The following PAICS variants were observed in gnomAD, a reference collection of about 807,000 sequenced individuals.
PAICS encodes bifunctional phosphoribosylaminoimidazole carboxylase/phosphoribosylaminoimidazole succinocarboxamide synthetase.
A neutral mutation model predicts 53.7 loss-of-function variants in PAICS; 33 were observed. The observed-to-expected ratio is 0.61, with a 90% CI of 0.47 to 0.82. PAICS has a LOEUF of 0.82. Among genes scored for constraint, PAICS ranks in the 40% least tolerant of loss-of-function variants. The probability of loss-of-function intolerance (pLI) is 0.00; values close to 1 mark genes in which losing one functional copy is unlikely to be tolerated. For missense variants in PAICS, 394 were observed against 494.1 expected (o/e 0.80, Z 1.92); for synonymous variants, 141 against 167.2 (o/e 0.84, Z 1.21).
chr4:56,444,149 A>G (rs2110085127), intron 2 of PAICS, among the ~76,000 whole-genome samples: 1 of 152,262 alleles, frequency 6.6e-6, no homozygotes, highest in Non-Finnish European at 1.5e-5. Flanking sequence ...ATTAAGGTAG[A>G]AAGTAGAGAG....
the PAICS span, chr4:56,420,859 T>C: frequency 2.0e-5 from 3 of 152,184 alleles, no homozygotes; most frequent in South Asian, 2.1e-4. Flanking sequence ...TAAGACATGA[T>C]AGCATGAAAT....
At chr4:56,427,033 A>G in the PAICS span, among the ~76,000 whole-genome samples, 51,702 of 152,086 alleles carry the variant, frequency 0.34, 9,391 homozygotes, top group Non-Finnish European at 0.41. Context: ...TTCACTTATA[A>G]TATCTTTAGG....
In PAICS at chr4:56,452,000, A is replaced by C; in HGVS notation, c.900A>C (p.Thr300=). ...NFGIPCELRV[T]SAHKGPDETL... ...GCATTCCATGTGAACTTCGAGTAAC[A>C]TCTGCGCATAAAGGACCAGATGAAA... is the stretch of plus-strand genomic sequence containing the variant. Residue 300 remains threonine (T), a synonymous_variant, in exon 7 of 9, where the codon ACA becomes ACC. Coordinates refer to ENST00000512576, the MANE Select transcript of PAICS (RefSeq NM_001079524.2). 6.2e-7 allele frequency: 1 copy of C among 1,609,692 alleles called. No homozygotes were observed.
intron 1 of PAICS, among the ~76,000 whole-genome samples, chr4:56,438,369 G>A (rs1718130593): frequency 4.5e-5 from 2 of 44,624 alleles, no homozygotes; most frequent in Admixed American, 5.6e-4. Flanking sequence ...GGTGCAATGT[G>A]TTTATATATA....
chr4:56,452,070 T>A lies in PAICS; in HGVS notation c.952+18T>A. On this transcript the variant is annotated intron_variant, in intron 7 of 8. Coordinates refer to ENST00000512576, the MANE Select transcript of PAICS (RefSeq NM_001079524.2). ...GTATGAAGGTAAACCACAAGTAATA[T>A]GGACATTTCAGGTATTTCTGATTTT... 2 of 1,506,190 alleles carry A rather than the reference T, an allele frequency of 1.3e-6. No individual in the cohort carries two copies. The highest frequency in any genetic ancestry group is 1.2e-5 in the South Asian group (1 of 83,626). The allele number at this position is 1,506,190 out of a possible 1,614,324, so 93.3% of individuals were successfully genotyped here.
chr4:56,439,461 T>G (rs933880163), intron 1 of PAICS, among the ~76,000 whole-genome samples: 1 of 152,156 alleles, frequency 6.6e-6, no homozygotes, highest in Non-Finnish European at 1.5e-5. Flanking sequence ...GGTCTTGAAC[T>G]CCTAACCTCA....
intron 1 of PAICS, among the ~76,000 whole-genome samples, chr4:56,436,782 G>T (rs1164694019): frequency 6.6e-6 from 1 of 152,136 alleles, no homozygotes; most frequent in Non-Finnish European, 1.5e-5. Context: ...ATCACCTGAG[G>T]TCAGTAGTAC....
chr4:56,433,076 G>C (rs1355094723), upstream of PAICS, among the ~76,000 whole-genome samples: 2 of 151,362 alleles, frequency 1.3e-5, no homozygotes, highest in Non-Finnish European at 1.5e-5. Context: ...GTTTCGAGCA[G>C]CAGATAATTG....
At chr4:56,410,871 C>A in the PAICS span, 2 of 964,132 alleles carry the variant, frequency 2.1e-6, no homozygotes, top group Admixed American at 7.7e-5. Flanking sequence ...ACGCTCAGCC[C>A]AAGTACAGCC....
In PAICS at chr4:56,463,285, C is replaced by T. The variant is rs1719575743; in HGVS notation, c.*3747C>T. ...AGTTATAAAATGGAGCTAAATATTT[C>T]TTCTGCTTGCCTCTGAGTTGATAAG... On this transcript the variant is annotated 3_prime_UTR_variant, in exon 9 of 9. Coordinates refer to ENST00000512576, the MANE Select transcript of PAICS (RefSeq NM_001079524.2). The T allele has an allele frequency of 6.6e-6, 1 of 151,852 alleles. No individual in the cohort carries two copies. The highest frequency in any genetic ancestry group is 1.5e-5 in the Non-Finnish European group (1 of 68,068). 9.4% of individuals were successfully genotyped at this position (151,852 alleles called of 1,614,324 possible).
chr4:56,418,976 C>CT, the PAICS span, among the ~76,000 whole-genome samples: 1 of 152,166 alleles, frequency 6.6e-6, no homozygotes, highest in African/African-American at 2.4e-5. Context: ...TGGCTTTAGT[C>CT]TTTCTGTAAT....
rs565818527 is a variant in PAICS at position 56,458,296 on chromosome 4, T to C, written c.1112-1076T>C. Among the ~76,000 whole-genome samples the C allele has an allele frequency of 4.8e-3, 711 of 148,074 alleles. 6 individuals are homozygous for C. Among genetic ancestry groups the C allele is most frequent in the African/African-American group, 0.016 (657 of 40,046 alleles). On this transcript the variant is annotated intron_variant, in intron 8 of 8. Transcript: ENST00000512576. Reference sequence around the variant, plus strand: ...TCACTAGATAACTTTTTTTTTTTTTTCTGCAATTTAAGCTATTCTTTTACC... The same window carrying C: ...TCACTAGATAACTTTTTTTTTTTTTCCTGCAATTTAAGCTATTCTTTTACC...
chr4:56,424,039 G>GT, the PAICS span, among the ~76,000 whole-genome samples: 1 of 152,150 alleles, frequency 6.6e-6, no homozygotes, highest in African/African-American at 2.4e-5. Context: ...GTATTTACAT[G>GT]TAAAAACAGA....
upstream of PAICS, chr4:56,435,664 C>T (rs958672881): frequency 1.5e-5 from 21 of 1,438,392 alleles, no homozygotes; most frequent in African/African-American, 2.8e-5. Context: ...CAGCCCTGCT[C>T]CTCCCCCTCC....
the PAICS span, among the ~76,000 whole-genome samples, chr4:56,427,887 A>G: frequency 0.016 from 2,386 of 152,264 alleles, 45 homozygotes; most frequent in Non-Finnish European, 0.019. Context: ...TGTATTACCT[A>G]AAATGCTTCC....
intron 6 of PAICS, 162 bp downstream of exon 6, chr4:56,450,864 C>A (rs1718874194): frequency 1.9e-6 from 1 of 539,644 alleles, no homozygotes; most frequent in Non-Finnish European, 3.3e-6. Context: ...GTCGCCCAGG[C>A]TGGAGTGCAG....
Position 56,451,925 on chromosome 4 carries a change from T to C in PAICS, c.825T>C (p.Thr275=), listed in dbSNP as rs1310147726. Residue 275 remains threonine (T), a synonymous_variant, in exon 7 of 9, where the codon ACT becomes ACC. Transcript: ENST00000512576. ...QCRVVVLMGS[T]SDLGHCEKIK... The stretch of plus-strand genomic sequence containing the variant: ...GGGTTGTAGTGTTGATGGGCTCTAC[T>C]TCTGATCTTGGTCACTGTGAAAAAA... 1.2e-6 allele frequency: 2 copies of C among 1,606,904 alleles called. No homozygotes were observed. The highest frequency in any genetic ancestry group is 2.2e-5 in the South Asian group (2 of 89,838).
At chr4:56,416,021 G>A in the PAICS span, among the ~76,000 whole-genome samples, 1 of 150,748 alleles carries the variant, frequency 6.6e-6, no homozygotes, top group East Asian at 2.0e-4. Context: ...AGTGAGCCGA[G>A]ATCACACCAC....
At chr4:56,437,305 CAGT>C (rs1718064466) in intron 1 of PAICS, among the ~76,000 whole-genome samples, 2 of 127,502 alleles carry the variant, frequency 1.6e-5, no homozygotes, top group South Asian at 5.0e-4. Context: ...GTGTTCGTTC[CAGT>C]AGTCTTTGAT....
Sources: allele counts gnomAD v4.1 joint callset (sites outside exome capture counted in the v4.1 genomes callset), GRCh38; gene constraint gnomAD v4.1.1; transcripts MANE v1.5; gene names NCBI Gene and HGNC (gene_info 2026-07-23, HGNC 2026-07-21).